The following CFDP1 variants were observed in gnomAD, a reference collection of about 807,000 sequenced individuals.
CFDP1 encodes heterochromatin-stabilizing protein CFDP1.
Under a neutral mutation model 40.1 loss-of-function variants are expected in CFDP1, and 31 were observed. The ratio of observed to expected loss-of-function variants is 0.77; its 90% CI spans 0.58 to 1.04. CFDP1 has a LOEUF of 1.04. Ranked by LOEUF, CFDP1 falls within the 50% of genes least tolerant of loss-of-function variation. The probability of loss-of-function intolerance (pLI) is 0.00; values close to 1 mark genes in which losing one functional copy is unlikely to be tolerated. For synonymous variants in CFDP1, 167 were observed against 120.0 expected (o/e 1.39, Z -2.56); for missense variants, 423 against 343.4 (o/e 1.23, Z -1.83).
intron 5 of CFDP1, among the ~76,000 whole-genome samples, chr16:75,392,906 T>C (rs1032146471): frequency 7.2e-5 from 11 of 152,210 alleles, no homozygotes; most frequent in African/African-American, 2.7e-4. Context: ...ATCCTCTTCC[T>C]CCATAGGTTT....
At chr16:75,390,392 T>A (rs1451201136) in intron 5 of CFDP1, among the ~76,000 whole-genome samples, 1 of 152,250 alleles carries the variant, frequency 6.6e-6, no homozygotes, top group Non-Finnish European at 1.5e-5. Flanking sequence ...TAAGTCAGTG[T>A]AGAGAGAATC....
At chr16:75,415,855 G>A (rs916446310) in intron 1 of CFDP1, among the ~76,000 whole-genome samples, 2 of 152,152 alleles carry the variant, frequency 1.3e-5, no homozygotes, top group Non-Finnish European at 2.9e-5. Flanking sequence ...CATCCAATCA[G>A]CTTTATTTAT....
intron 3 of CFDP1, 92 bp downstream of exon 3, chr16:75,412,443 A>G (rs901600128): frequency 1.1e-6 from 1 of 942,496 alleles, no homozygotes; most frequent in Non-Finnish European, 1.7e-6. Context: ...AATTGTTATC[A>G]AAAGGCATCT....
intron 5 of CFDP1, among the ~76,000 whole-genome samples, chr16:75,320,953 A>T (rs1465996834): frequency 1.3e-5 from 2 of 152,062 alleles, no homozygotes; most frequent in African/African-American, 4.8e-5. Context: ...AAATCTGATG[A>T]CTTACTATTT....
At chr16:75,363,468 T>C (rs1747719394) in intron 5 of CFDP1, among the ~76,000 whole-genome samples, 1 of 151,710 alleles carries the variant, frequency 6.6e-6, no homozygotes, top group Non-Finnish European at 1.5e-5. Context: ...CAATCTCAGC[T>C]CACTGCAACC....
intron 5 of CFDP1, chr16:75,372,543 A>G (rs1195486591): frequency 6.6e-6 from 1 of 152,178 alleles, no homozygotes; most frequent in Non-Finnish European, 1.5e-5. Context: ...AAGCAGATCA[A>G]TCTCTAGGCA....
chr16:75,353,748 C>CAAA (rs3975152), intron 5 of CFDP1, among the ~76,000 whole-genome samples: 2 of 72,340 alleles, frequency 2.8e-5, no homozygotes, highest in African/African-American at 6.0e-5. Flanking sequence ...AAGTCCGTCT[C>CAAA]AAAAAAAAAA....
chr16:75,327,085 G>A (rs1315032633), intron 5 of CFDP1, among the ~76,000 whole-genome samples: 3 of 152,084 alleles, frequency 2.0e-5, no homozygotes, highest in Non-Finnish European at 2.9e-5. Flanking sequence ...CCTGGCACAC[G>A]GTGAAACCCT....
intron 5 of CFDP1, among the ~76,000 whole-genome samples, chr16:75,335,750 G>C (rs2078483249): frequency 6.6e-6 from 1 of 151,988 alleles, no homozygotes; most frequent in Non-Finnish European, 1.5e-5. Context: ...CAGAGACGGG[G>C]TTTCACCGTG....
At chr16:75,388,528 C>A (rs1338994210) in intron 5 of CFDP1, among the ~76,000 whole-genome samples, 1 of 152,090 alleles carries the variant, frequency 6.6e-6, no homozygotes, top group African/African-American at 2.4e-5. Context: ...AGGGCAAACC[C>A]CATCTACTCT....
At chr16:75,410,617 C>T (rs1337608239) in intron 4 of CFDP1, among the ~76,000 whole-genome samples, 1 of 148,406 alleles carries the variant, frequency 6.7e-6, no homozygotes, top group Non-Finnish European at 1.5e-5. Context: ...ACTAAAACTA[C>T]AAAAAAAAAG....
At chr16:75,411,684 G>C (rs2079163943) in intron 4 of CFDP1, 141 bp downstream of exon 4, 4 of 804,930 alleles carry the variant, frequency 5.0e-6, no homozygotes, top group Non-Finnish European at 7.8e-6. Flanking sequence ...GTAATTTATA[G>C]AGCCAGTTTT....
intron 5 of CFDP1, among the ~76,000 whole-genome samples, chr16:75,371,692 A>G (rs1287927362): frequency 6.6e-6 from 1 of 152,210 alleles, no homozygotes; most frequent in Non-Finnish European, 1.5e-5. Flanking sequence ...TTTGTTACAT[A>G]TTAGAATAAT....
intron 5 of CFDP1, among the ~76,000 whole-genome samples, chr16:75,347,772 G>C (rs1203712938): frequency 6.6e-6 from 1 of 152,196 alleles, no homozygotes; most frequent in Non-Finnish European, 1.5e-5. Context: ...TTGACCAAAT[G>C]ATTAAAGTTA....
rs1031652289 is a variant in CFDP1, at chr16:75,411,817, T to G, written c.530+8A>C. ...TGCTAGTTTCAAAGTTTTTGAAGGT[T>G]CTCTTACCTTACTTCTTCACCAGCA... is the stretch of plus-strand genomic sequence containing the variant. On this transcript the variant is annotated splice_region_variant and intron_variant, in intron 4 of 6. Transcript: ENST00000283882. 6.2e-7 allele frequency: 1 copy of G among 1,607,332 alleles called. No homozygotes were observed. The highest frequency in any genetic ancestry group is 1.3e-5 in the African/African-American group (1 of 74,420).
chr16:75,325,361 C>T (rs374674192), intron 5 of CFDP1, among the ~76,000 whole-genome samples: 1 of 152,198 alleles, frequency 6.6e-6, no homozygotes, highest in Non-Finnish European at 1.5e-5. Context: ...CGACTGTGCC[C>T]AGTTATCCCC....
intron 5 of CFDP1, among the ~76,000 whole-genome samples, chr16:75,383,062 A>C (rs879714069): frequency 9.2e-5 from 14 of 152,230 alleles, no homozygotes; most frequent in Admixed American, 9.2e-4. Flanking sequence ...CTAAAGATGA[A>C]TGTTTGATTA....
chr16:75,415,063 C>G (rs915303410), intron 1 of CFDP1, among the ~76,000 whole-genome samples: 2 of 152,200 alleles, frequency 1.3e-5, no homozygotes, highest in Non-Finnish European at 2.9e-5. Context: ...TTCAATTCTA[C>G]TAATGTGTTT....
intron 4 of CFDP1, among the ~76,000 whole-genome samples, chr16:75,408,638 C>T (rs896020645): frequency 6.6e-6 from 1 of 151,488 alleles, no homozygotes; most frequent in Non-Finnish European, 1.5e-5. Context: ...TTAGCTGGCA[C>T]GCTGGCAGGC....
Sources: gnomAD v4.1 joint callset for allele counts (sites outside exome capture counted in the v4.1 genomes callset) on GRCh38, gnomAD v4.1.1 for gene constraint, MANE v1.5 for transcripts, NCBI Gene and HGNC (gene_info 2026-07-23, HGNC 2026-07-21) for gene names.